Variants in TENM2 observed in about 807,000 individuals in gnomAD.
The protein encoded by TENM2 is teneurin-2.
TENM2 carries 52 observed loss-of-function variants against 245.2 expected under a neutral mutation model. That is an observed-to-expected ratio of 0.21 (90% CI 0.17 to 0.27). The LOEUF is 0.27. TENM2 is among the 10% of genes least tolerant of loss of function. The pLI is 1.00. For missense variants in TENM2, 3,046 were observed against 3,666.8 expected, an observed-to-expected ratio of 0.83 and a Z score of 4.37; for synonymous variants, 1,363 against 1,438.9, an observed-to-expected ratio of 0.95 and a Z score of 1.19.
At chr5:167,342,986 T>C (rs2127819716) in intron 1 of TENM2, among the ~76,000 whole-genome samples, 1 of 152,206 alleles carries the variant, frequency 6.6e-6, no homozygotes, top group South Asian at 2.1e-4. Flanking sequence ...ATGGGAGCGT[T>C]CTTCTCCTCC....
chr5:167,636,246 A>T (rs1779203985), intron 2 of TENM2, among the ~76,000 whole-genome samples: 1 of 152,192 alleles, frequency 6.6e-6, no homozygotes, highest in Non-Finnish European at 1.5e-5. Flanking sequence ...ATTTAAGAGG[A>T]TTCTTTTGGA....
At chr5:167,188,826 G>T in the TENM2 span, among the ~76,000 whole-genome samples, 2 of 152,050 alleles carry the variant, frequency 1.3e-5, no homozygotes, top group Non-Finnish European at 2.9e-5. Context: ...TTGGACGATC[G>T]AGACAAATAA....
At chr5:167,428,324 A>G (rs546461460) in intron 2 of TENM2, among the ~76,000 whole-genome samples, 45 of 152,322 alleles carry the variant, frequency 3.0e-4, no homozygotes, top group African/African-American at 1.1e-3. Flanking sequence ...AATAAATACA[A>G]CCAAATTTTA....
At chr5:167,054,745 C>T in the TENM2 span, among the ~76,000 whole-genome samples, 1 of 152,106 alleles carries the variant, frequency 6.6e-6, no homozygotes, top group South Asian at 2.1e-4. Flanking sequence ...AGAATAGTAT[C>T]CCATTGTTTT....
intron 5 of TENM2, among the ~76,000 whole-genome samples, chr5:168,001,688 T>G (rs1278792999): frequency 2.0e-5 from 3 of 152,212 alleles, no homozygotes; most frequent in Admixed American, 2.0e-4. Flanking sequence ...AAACCAGACT[T>G]TTTTGTGTCC....
intron 2 of TENM2, among the ~76,000 whole-genome samples, chr5:167,636,434 G>A (rs1427649033): frequency 6.6e-6 from 1 of 152,100 alleles, no homozygotes; most frequent in Non-Finnish European, 1.5e-5. Flanking sequence ...TAAAAATATT[G>A]CCTTGCGAGT....
At position 168,244,412 on chromosome 5, in the gene TENM2, T is replaced by C; in HGVS notation, c.5521-8T>C. 6.6e-7 allele frequency: 1 copy of C among 1,515,634 alleles called. No individual in the cohort carries two copies. Among genetic ancestry groups the C allele is most frequent in the Middle Eastern group, 1.8e-4 (1 of 5,632 alleles). 93.9% of individuals were successfully genotyped at this position (1,515,634 alleles called of 1,614,324 possible). On this transcript the variant is annotated splice_polypyrimidine_tract_variant and splice_region_variant and intron_variant, in intron 25 of 28. Coordinates refer to ENST00000518659, the Ensembl canonical transcript of TENM2. The surrounding 1 kb of genome is among the most constrained non-coding windows in gnomAD (Gnocchi z 4.9). ...GTCTTTCAAACAAGGCCTGTTGTGT[T>C]TTCCTAGGTCCATGGAAGAAATCTC...
intron 2 of TENM2, among the ~76,000 whole-genome samples, chr5:167,562,170 G>A (rs957634460): frequency 6.6e-6 from 1 of 152,146 alleles, no homozygotes; most frequent in Non-Finnish European, 1.5e-5. Context: ...AGGCTGCGAT[G>A]GCATCCATCC....
At chr5:167,365,384 G>T (rs79599968) in intron 1 of TENM2, among the ~76,000 whole-genome samples, 1 of 146,304 alleles carries the variant, frequency 6.8e-6, no homozygotes, top group Non-Finnish European at 1.5e-5. Flanking sequence ...AGAAGGATGA[G>T]AAAAAAAAAA....
At chr5:167,716,214 A>G (rs1177832021) in intron 2 of TENM2, among the ~76,000 whole-genome samples, 1 of 152,118 alleles carries the variant, frequency 6.6e-6, no homozygotes, top group Non-Finnish European at 1.5e-5. Context: ...AAAACAAGTC[A>G]CTTGGGTGTT....
chr5:167,511,735 G>A (rs571501846), intron 2 of TENM2, among the ~76,000 whole-genome samples: 5 of 152,266 alleles, frequency 3.3e-5, no homozygotes, highest in African/African-American at 1.2e-4. Flanking sequence ...TAAGTTGAAA[G>A]AGAGGTGATC....
chr5:167,334,954 C>T (rs945710304), intron 1 of TENM2, among the ~76,000 whole-genome samples: 6 of 152,216 alleles, frequency 3.9e-5, no homozygotes, highest in South Asian at 4.1e-4. Context: ...TGTGTATTGC[C>T]AGATCAGAAC....
Position 167,813,918 on chromosome 5 carries a change from A to G in TENM2, c.503-62068A>G, listed in dbSNP as rs563244563. ...TTTTCTTATGGCTCTGGTAACATGA[A>G]ATATTGATAGGGACGGGAGCATGGG... On this transcript the variant is annotated intron_variant, in intron 2 of 28. Coordinates refer to ENST00000518659, the Ensembl canonical transcript of TENM2. 6.0e-4 allele frequency among the ~76,000 whole-genome samples: 91 copies of G among 152,284 alleles called. 4 individuals carry two copies. In the South Asian group the frequency reaches 0.018, roughly 30 times the overall value.
the TENM2 span, among the ~76,000 whole-genome samples, chr5:167,226,540 G>T: frequency 2.0e-5 from 3 of 151,952 alleles, no homozygotes; most frequent in African/African-American, 7.2e-5. Context: ...TAAAAAACTT[G>T]TCAAAGCTTG....
At chr5:167,197,875 T>C in the TENM2 span, among the ~76,000 whole-genome samples, 1 of 151,704 alleles carries the variant, frequency 6.6e-6, no homozygotes, top group Admixed American at 6.6e-5. Flanking sequence ...TGTGTATATA[T>C]AGAGAGTATA....
At chr5:167,365,176 C>T (rs1434626316) in intron 1 of TENM2, among the ~76,000 whole-genome samples, 1 of 151,950 alleles carries the variant, frequency 6.6e-6, no homozygotes, top group Non-Finnish European at 1.5e-5. Context: ...AGTAAAATTA[C>T]ACACTTCTAA....
At chr5:166,981,928 C>G in the TENM2 span, among the ~76,000 whole-genome samples, 1 of 152,026 alleles carries the variant, frequency 6.6e-6, no homozygotes, top group Non-Finnish European at 1.5e-5. Context: ...ACTCTTACAT[C>G]GTTTGGTGTG....
chr5:167,826,257 T>G (rs1767966731), intron 2 of TENM2, among the ~76,000 whole-genome samples: 1 of 152,214 alleles, frequency 6.6e-6, no homozygotes, highest in Admixed American at 6.5e-5. Flanking sequence ...CCTCTCTTCT[T>G]CAAGAGTGCT....
At chr5:167,405,765 C>A (rs796351309) in intron 2 of TENM2, among the ~76,000 whole-genome samples, 6 of 114,402 alleles carry the variant, frequency 5.2e-5, no homozygotes, top group South Asian at 2.9e-4. Flanking sequence ...AACACACACA[C>A]ACAAACACAC....
Sources: gnomAD v4.1 joint callset for allele counts (sites outside exome capture counted in the v4.1 genomes callset) on GRCh38, gnomAD v4.1.1 for gene constraint, Gnocchi (gnomAD v3.1) non-coding constraint, MANE v1.5 for transcripts, NCBI Gene and HGNC (gene_info 2026-07-23, HGNC 2026-07-21) for gene names.